JMJD1C: variants seen among roughly 807,000 people sequenced by gnomAD.
JMJD1C encodes the protein jumonji domain containing 1C.
In JMJD1C, 31 loss-of-function variants were observed where a neutral mutation model predicts 245.3. That is an observed-to-expected ratio of 0.13 (90% confidence interval 0.09 to 0.17). The LOEUF (loss-of-function observed/expected upper bound fraction) is 0.17, where lower values mean the gene tolerates loss of function less well. Ranked by LOEUF, JMJD1C falls within the 10% of genes least tolerant of loss-of-function variation. The pLI is 1.00. For missense variants in JMJD1C, 2,691 were observed against 3,000.2 expected, an observed-to-expected ratio of 0.90 and a Z score of 2.41; for synonymous variants, 1,057 against 1,017.4, an observed-to-expected ratio of 1.04 and a Z score of -0.74.
At chr10:63,264,059 A>G (rs1855211020) in intron 3 of JMJD1C, among the ~76,000 whole-genome samples, 2 of 151,846 alleles carry the variant, frequency 1.3e-5, no homozygotes, top group South Asian at 2.1e-4. Flanking sequence ...AATTTCAACA[A>G]TCTTAAAAAA....
At chr10:63,245,729 T>A (rs994937856) in intron 3 of JMJD1C, among the ~76,000 whole-genome samples, 2 of 152,138 alleles carry the variant, frequency 1.3e-5, no homozygotes, top group Non-Finnish European at 2.9e-5. Context: ...GTGATCCTCC[T>A]GCCTTGGCCT....
chr10:63,195,369 A>AATCT (rs1845343653), intron 13 of JMJD1C, among the ~76,000 whole-genome samples: 1 of 151,742 alleles, frequency 6.6e-6, no homozygotes, highest in Non-Finnish European at 1.5e-5. Flanking sequence ...AAAAAAAAAA[A>AATCT]ATCTAGAACT....
intron 3 of JMJD1C, among the ~76,000 whole-genome samples, chr10:63,258,876 T>G (rs529234876): frequency 1.3e-5 from 2 of 152,162 alleles, no homozygotes; most frequent in African/African-American, 4.8e-5. Flanking sequence ...AGCCGTGAAA[T>G]TGGTAAAAAG....
At chr10:63,425,831 G>A (rs143451031) in intron 1 of JMJD1C, among the ~76,000 whole-genome samples, 102 of 152,202 alleles carry the variant, frequency 6.7e-4, no homozygotes, top group African/African-American at 2.3e-3. Context: ...TTATATGACC[G>A]AATACTCTGC....
intron 2 of JMJD1C, among the ~76,000 whole-genome samples, chr10:63,345,346 G>T (rs887841856): frequency 6.6e-6 from 1 of 152,120 alleles, no homozygotes; most frequent in Non-Finnish European, 1.5e-5. Context: ...AATTAGCCGG[G>T]CGTGGTGGCA....
chr10:63,232,076 G>T (rs1387955010), intron 3 of JMJD1C, among the ~76,000 whole-genome samples: 2 of 152,226 alleles, frequency 1.3e-5, no homozygotes, highest in African/African-American at 4.8e-5. Context: ...GACCTCATGT[G>T]ATCCACCTGC....
chr10:63,247,483 G>T (rs1046334514), intron 3 of JMJD1C, among the ~76,000 whole-genome samples: 1 of 152,080 alleles, frequency 6.6e-6, no homozygotes, highest in Non-Finnish European at 1.5e-5. Flanking sequence ...GCTCAAACCT[G>T]TAATCCCAAC....
upstream of JMJD1C, among the ~76,000 whole-genome samples, chr10:63,467,117 G>C (rs868336809): frequency 3.3e-5 from 5 of 152,130 alleles, 1 homozygote; most frequent in South Asian, 1.0e-3. Context: ...ATTTGAAGTG[G>C]AGAAACACAA....
At chr10:63,270,855 G>C (rs1856210100) in intron 2 of JMJD1C, among the ~76,000 whole-genome samples, 1 of 152,148 alleles carries the variant, frequency 6.6e-6, no homozygotes, top group Non-Finnish European at 1.5e-5. Context: ...AGCAGAGATG[G>C]AATGGAATAT....
Position 63,208,582 on chromosome 10 carries a change from A to C in JMJD1C, c.3087T>G (p.Ser1029Arg). The change falls in exon 10 of 26, where the codon AGT becomes AGG. Residue 1029 changes from serine (S) to arginine (R), a missense_variant. Coordinates refer to ENST00000399262, the MANE Select transcript of JMJD1C (RefSeq NM_032776.3). ...TAGTTGTAAAGGGAGCAACATCAAT[A>C]CTTTCTTGAAGAATTCGACGGTGTT... is the stretch of plus-strand genomic sequence containing the variant. ...KEEHRRILQE[S>R]IDVAPFTTKI... is the part of the protein sequence containing the mutation. The C allele has an allele frequency of 6.2e-7, 1 of 1,614,018 alleles. No homozygotes were observed. The highest frequency in any genetic ancestry group is 8.5e-7 in the Non-Finnish European group (1 of 1,179,890).
intron 1 of JMJD1C, among the ~76,000 whole-genome samples, chr10:63,410,128 A>G (rs1304293995): frequency 1.3e-5 from 2 of 152,148 alleles, no homozygotes; most frequent in Non-Finnish European, 2.9e-5. Context: ...ATCACAGAAA[A>G]CTAACGACAA....
chr10:63,365,775 C>G (rs1293302645), intron 2 of JMJD1C, among the ~76,000 whole-genome samples: 2 of 152,158 alleles, frequency 1.3e-5, no homozygotes, highest in Non-Finnish European at 2.9e-5. Flanking sequence ...ACAATAACAC[C>G]ATAACTACAA....
intron 2 of JMJD1C, chr10:63,268,892 G>A (rs975907460): frequency 2.0e-6 from 2 of 985,678 alleles, no homozygotes; most frequent in Admixed American, 1.2e-4. Flanking sequence ...ACAGAACGAA[G>A]CAGGAGCTGT....
intron 1 of JMJD1C, among the ~76,000 whole-genome samples, chr10:63,414,187 T>G (rs756679466): frequency 6.6e-6 from 1 of 151,920 alleles, no homozygotes; most frequent in African/African-American, 2.4e-5. Flanking sequence ...AGGGTTTTAC[T>G]GTGTTAACCA....
chr10:63,485,006 TA>T lies in JMJD1C; in HGVS notation n.113+36731del, dbSNP rs536714092. Reference sequence around the variant, plus strand: ...GAATTAGGATTTGGCATTATGGGTTTAAAAAAAAAAGAAATCCAGAAATAGA... The same window carrying T: ...GAATTAGGATTTGGCATTATGGGTTTAAAAAAAAAGAAATCCAGAAATAGA... On this transcript the variant is annotated intron_variant and non_coding_transcript_variant, in intron 1 of 3. Coordinates refer to the JMJD1C transcript ENST00000633035. Among the ~76,000 whole-genome samples the T allele has an allele frequency of 2.1e-3, 312 of 145,916 alleles. 1 individual carries two copies. The highest frequency in any genetic ancestry group is 8.0e-3 in the Admixed American group (117 of 14,598).
At chr10:63,362,313 A>G (rs997019766) in intron 2 of JMJD1C, among the ~76,000 whole-genome samples, 20 of 152,036 alleles carry the variant, frequency 1.3e-4, no homozygotes, top group African/African-American at 2.7e-4. Flanking sequence ...ATTCATAACT[A>G]AAGTGTCTTT....
Position 63,189,328 on chromosome 10 carries a change from T to G in JMJD1C, c.6410A>C (p.Glu2137Ala), listed in dbSNP as rs369068631. The change falls in exon 18 of 26, where the codon GAA becomes GCA. Residue 2137 changes from glutamate (E) to alanine (A), a missense_variant. Around this residue, in one of 9 missense-constraint regions of JMJD1C, gnomAD observed 275 missense variants for 285.5 expected, o/e 0.96. Coordinates refer to ENST00000399262, the MANE Select transcript of JMJD1C (RefSeq NM_032776.3). ...SKINVKPELK[E>A]EPEESIISAV... ...AGATATTATGCTTTCTTCAGGCTCT[T>G]CTTTAAGCTCTGGTTTTACATTTAT... 1.5e-5 allele frequency: 25 copies of G among 1,613,938 alleles called. No individual in the cohort carries two copies. Among genetic ancestry groups the G allele is most frequent in the Non-Finnish European group, 1.6e-5 (19 of 1,179,922 alleles).
chr10:63,358,307 C>T (rs767539619), intron 2 of JMJD1C, among the ~76,000 whole-genome samples: 1 of 151,820 alleles, frequency 6.6e-6, no homozygotes, highest in East Asian at 1.9e-4. Context: ...CCTGAGAAAT[C>T]TAAACATTCT....
At position 63,183,450 on chromosome 10, in the gene JMJD1C, C is replaced by G; in HGVS notation, c.7081G>C (p.Ala2361Pro). 6.2e-7 allele frequency: 1 copy of G among 1,606,196 alleles called. No individual in the cohort carries two copies. The highest frequency in any genetic ancestry group is 8.5e-7 in the Non-Finnish European group (1 of 1,176,844). Residue 2361 changes from alanine (A) to proline (P), a missense_variant, in exon 22 of 26, where the codon GCA (alanine) becomes CCA (proline). Around this residue, in one of 9 missense-constraint regions of JMJD1C, gnomAD observed 232 missense variants for 416.1 expected, o/e 0.56. Transcript: ENST00000399262. ...CTACTTATTCTTTTAAGTTTACCTG[C>G]TTTTGAGAGAATGCCATTTCCTTTT... The part of the protein sequence containing the change: ...IAKGNGILSK[A>P]GILKKFEEED...
Sources: allele counts gnomAD v4.1 joint callset (sites outside exome capture counted in the v4.1 genomes callset), GRCh38; gene constraint gnomAD v4.1.1; regional missense constraint gnomAD v4.1.1; transcripts MANE v1.5; gene names NCBI Gene and HGNC (gene_info 2026-07-23, HGNC 2026-07-21).